ST3GAL3: variants seen among roughly 807,000 people sequenced by gnomAD.
ST3GAL3 encodes CMP-N-acetylneuraminate-beta-1,4-galactoside alpha-2,3-sialyltransferase.
Under a neutral mutation model 50.1 loss-of-function variants are expected in ST3GAL3, and 21 were observed. The observed-to-expected ratio is 0.42, with a 90% CI of 0.30 to 0.60. The LOEUF (loss-of-function observed/expected upper bound fraction) is 0.60. Among genes scored for constraint, ST3GAL3 ranks in the 20% least tolerant of loss-of-function variants. The pLI, the probability that ST3GAL3 is intolerant of heterozygous loss-of-function variation, is 0.19. For missense variants in ST3GAL3, 353 were observed against 489.4 expected (o/e 0.72, Z 2.63); for synonymous variants, 183 against 190.0 (o/e 0.96, Z 0.30).
chr1:43,798,179 T>C (rs1203284599), intron 3 of ST3GAL3, among the ~76,000 whole-genome samples: 1 of 152,170 alleles, frequency 6.6e-6, no homozygotes, highest in East Asian at 1.9e-4. Flanking sequence ...TCACAATGTG[T>C]TCTTCTCTAG....
intron 9 of ST3GAL3, among the ~76,000 whole-genome samples, chr1:43,908,425 T>C (rs1259061590): frequency 6.6e-6 from 1 of 152,192 alleles, no homozygotes; most frequent in Non-Finnish European, 1.5e-5. Context: ...ACTTATCAGA[T>C]GTACATTTTT....
chr1:43,929,671 G>A (rs2084710347), intron 11 of ST3GAL3, among the ~76,000 whole-genome samples: 1 of 152,224 alleles, frequency 6.6e-6, no homozygotes. Flanking sequence ...CTGGGAGGCA[G>A]GATTTCATCC....
intron 3 of ST3GAL3, among the ~76,000 whole-genome samples, chr1:43,809,890 G>A (rs1404600601): frequency 6.6e-6 from 1 of 151,726 alleles, no homozygotes; most frequent in East Asian, 1.9e-4. Context: ...CTACTCGGGA[G>A]GCTGAGGCAG....
intron 1 of ST3GAL3, among the ~76,000 whole-genome samples, chr1:43,733,563 G>T (rs889486256): frequency 1.3e-5 from 2 of 152,064 alleles, no homozygotes; most frequent in Non-Finnish European, 2.9e-5. Context: ...CTCTTCCATT[G>T]ACCTGTTTTT....
chr1:43,881,536 G>A (rs910986406), intron 5 of ST3GAL3, among the ~76,000 whole-genome samples: 5 of 152,074 alleles, frequency 3.3e-5, no homozygotes, highest in East Asian at 1.9e-4. Context: ...CCTCCCCTAC[G>A]TTCCCCACTT....
intron 3 of ST3GAL3, among the ~76,000 whole-genome samples, chr1:43,792,603 A>G (rs973049073): frequency 6.6e-6 from 1 of 152,154 alleles, no homozygotes; most frequent in South Asian, 2.1e-4. Flanking sequence ...CACACCCCAT[A>G]TATTCAAATA....
chr1:43,856,228 G>T (rs2068343713), intron 5 of ST3GAL3, among the ~76,000 whole-genome samples: 1 of 152,242 alleles, frequency 6.6e-6, no homozygotes, highest in Admixed American at 6.5e-5. Context: ...TATCAAGGAA[G>T]TTTCAGTGTT....
chr1:43,745,207 T>G (rs1191248629), intron 2 of ST3GAL3, among the ~76,000 whole-genome samples: 1 of 152,134 alleles, frequency 6.6e-6, no homozygotes, highest in Non-Finnish European at 1.5e-5. Context: ...ACTAATTGTT[T>G]AAAGCAAAAA....
At position 43,867,087 on chromosome 1, in the gene ST3GAL3, G is replaced by A. The variant is rs554222346; in HGVS notation, c.303-27296G>A. Among the ~76,000 whole-genome samples the A allele has an allele frequency of 7.2e-5, 11 of 152,258 alleles. No individual in the cohort carries two copies. In the South Asian group the frequency reaches 1.9e-3, roughly 26 times the overall value. ...AGAGGTTGCAATGAGCCCAGATCAC[G>A]CCACTGCACTCCAGCCTGGGTGACA... On this transcript the variant is annotated intron_variant, in intron 5 of 11. Coordinates refer to ENST00000347631, the MANE Select transcript of ST3GAL3 (RefSeq NM_006279.5).
At chr1:43,839,532 A>C (rs1051931212) in intron 5 of ST3GAL3, 5 of 152,232 alleles carry the variant, frequency 3.3e-5, no homozygotes, top group African/African-American at 4.8e-5. Flanking sequence ...AAAAAACCTC[A>C]AACAGTACAA....
At chr1:43,927,622 T>C (rs2084238401) in intron 11 of ST3GAL3, among the ~76,000 whole-genome samples, 1 of 152,196 alleles carries the variant, frequency 6.6e-6, no homozygotes, top group African/African-American at 2.4e-5. Context: ...AAGTCTCTGT[T>C]TTCCCTGTAA....
intron 5 of ST3GAL3, among the ~76,000 whole-genome samples, chr1:43,887,360 G>A (rs2076129259): frequency 6.6e-6 from 1 of 152,216 alleles, no homozygotes; most frequent in African/African-American, 2.4e-5. Context: ...TGGCAAGAGT[G>A]AGATTGAGGA....
chr1:43,708,943 A>G (rs1663066005), intron 1 of ST3GAL3, among the ~76,000 whole-genome samples: 1 of 152,240 alleles, frequency 6.6e-6, no homozygotes, highest in Non-Finnish European at 1.5e-5. Flanking sequence ...TAATGGGCCT[A>G]TAATATACTT....
intron 11 of ST3GAL3, among the ~76,000 whole-genome samples, chr1:43,929,647 A>G (rs186068215): frequency 6.6e-6 from 1 of 152,134 alleles, no homozygotes; most frequent in African/African-American, 2.4e-5. Context: ...CGCAGGCCCC[A>G]TAGCTCCTCT....
intron 4 of ST3GAL3, among the ~76,000 whole-genome samples, chr1:43,817,697 C>G (rs1055555005): frequency 2.1e-5 from 3 of 141,820 alleles, no homozygotes; most frequent in African/African-American, 5.3e-5. Context: ...TTCTTCTTCT[C>G]CTTCTTCCTT....
chr1:43,755,211 A>G (rs1396949189), intron 2 of ST3GAL3, among the ~76,000 whole-genome samples: 1 of 152,232 alleles, frequency 6.6e-6, no homozygotes, highest in East Asian at 1.9e-4. Flanking sequence ...AAGAATTAGA[A>G]CAGACAGTTT....
chr1:43,728,624 G>A (rs1226587689), intron 1 of ST3GAL3, among the ~76,000 whole-genome samples: 1 of 152,174 alleles, frequency 6.6e-6, no homozygotes, highest in African/African-American at 2.4e-5. Flanking sequence ...GGTGACACGT[G>A]CCTATGGTCC....
intron 7 of ST3GAL3, 58 bp downstream of exon 7, chr1:43,898,356 T>G (rs2077699241): frequency 1.3e-6 from 2 of 1,584,934 alleles, no homozygotes; most frequent in African/African-American, 2.7e-5. Context: ...TGCAGAGGTG[T>G]TGAGGCCCAG....
chr1:43,755,261 T>G (rs1558154832), intron 2 of ST3GAL3, among the ~76,000 whole-genome samples: 2 of 152,188 alleles, frequency 1.3e-5, no homozygotes, highest in East Asian at 1.9e-4. Flanking sequence ...TATGAAGAGA[T>G]AGTCAAACTC....
Sources: gnomAD v4.1 joint callset for allele counts (sites outside exome capture counted in the v4.1 genomes callset) on GRCh38, gnomAD v4.1.1 for gene constraint, MANE v1.5 for transcripts, NCBI Gene and HGNC (gene_info 2026-07-23, HGNC 2026-07-21) for gene names.